The following ZNF329 variants were observed in gnomAD, a reference collection of about 807,000 sequenced individuals.
ZNF329 encodes the protein zinc finger protein 329.
ZNF329 carries 15 observed loss-of-function variants against 26.6 expected under a neutral mutation model. That is an observed-to-expected ratio of 0.56 (90% CI 0.38 to 0.87). The LOEUF is 0.87. Among genes scored for constraint, ZNF329 ranks in the 40% least tolerant of loss-of-function variants. The pLI is 0.00. For synonymous variants in ZNF329, 239 were observed against 233.5 expected (o/e 1.02, Z -0.21); for missense variants, 651 against 651.9 (o/e 1.00, Z 0.02).
rs969119574 is a variant in ZNF329 at position 58,143,119 on chromosome 19, A to G, written c.-128T>C. On this transcript the variant is annotated 5_prime_UTR_variant, in exon 2 of 4. It removes the in-frame stop codon of an upstream open reading frame in the 5' UTR. Coordinates refer to ENST00000598312, the MANE Select transcript of ZNF329 (RefSeq NM_024620.4). The stretch of plus-strand genomic sequence containing the variant: ...ATGGTGCATACCTGAAGTCCCAGCT[A>G]CTTGGTAGCCCAGGAGCTCAAGGCT... 6.6e-6 allele frequency: 1 copy of G among 152,312 alleles called. No individual in the cohort carries two copies. Among genetic ancestry groups the G allele is most frequent in the African/African-American group, 2.4e-5 (1 of 41,468 alleles). 9.4% of individuals were successfully genotyped at this position (152,312 alleles called of 1,614,324 possible).
rs2074812844 is a variant in ZNF329 at position 58,126,858 on chromosome 19, C to G, written c.*1020G>C. The G allele has an allele frequency of 6.6e-6, 1 of 152,172 alleles. No individual in the cohort carries two copies. Among genetic ancestry groups the G allele is most frequent in the African/African-American group, 2.4e-5 (1 of 41,448 alleles). 9.4% of individuals were successfully genotyped at this position (152,172 alleles called of 1,614,324 possible). ...TTGGTAGAGATGGGGTTTCACCATG[C>G]TGGCCAGGCTGGTCTTGAACTCCTA... On this transcript the variant is annotated 3_prime_UTR_variant, in exon 4 of 4. Coordinates refer to ENST00000598312, the MANE Select transcript of ZNF329 (RefSeq NM_024620.4).
At chr19:58,141,826 G>A (rs1390879242) in intron 3 of ZNF329, among the ~76,000 whole-genome samples, 1 of 151,934 alleles carries the variant, frequency 6.6e-6, no homozygotes, top group Non-Finnish European at 1.5e-5. Flanking sequence ...CCAAGAGGCG[G>A]AGGTTGCAGT....
rs930691645 is a variant in ZNF329, at chr19:58,144,826, C to T, written c.-207-1628G>A. On this transcript the variant is annotated intron_variant, in intron 1 of 3. Transcript: ENST00000598312. ...AGGAGCCATGACCATAGGAGTATGC[C>T]ATCACACCTGGATAATTTTTTTTCT... Among the ~76,000 whole-genome samples, 4 of 149,492 alleles carry T rather than the reference C, an allele frequency of 2.7e-5. No homozygotes were observed. In the Admixed American group the frequency reaches 2.7e-4, roughly 10 times the overall value.
chr19:58,153,498 G>A (rs1464995898), upstream of ZNF329, among the ~76,000 whole-genome samples: 1 of 152,154 alleles, frequency 6.6e-6, no homozygotes, highest in East Asian at 1.9e-4. Flanking sequence ...CAGACCATAA[G>A]GTCTCTGCCA....
chr19:58,136,544 G>T (rs2075070132), intron 3 of ZNF329, among the ~76,000 whole-genome samples: 4 of 151,896 alleles, frequency 2.6e-5, no homozygotes, highest in African/African-American at 9.7e-5. Context: ...GTGTGGTGGT[G>T]TAACTCGCCT....
chr19:58,139,841 C>T (rs1444534410), intron 3 of ZNF329, among the ~76,000 whole-genome samples: 1 of 152,164 alleles, frequency 6.6e-6, no homozygotes, highest in Non-Finnish European at 1.5e-5. Context: ...CCACTTTACA[C>T]TCACTAGTAT....
Position 58,128,930 on chromosome 19 carries a change from C to T in ZNF329, c.574G>A (p.Glu192Lys). The T allele has an allele frequency of 1.2e-6, 2 of 1,614,104 alleles. No homozygotes were observed. Among genetic ancestry groups the T allele is most frequent in the Non-Finnish European group, 8.5e-7 (1 of 1,180,032 alleles). ...NIFTLSSSLN[E>K]NQRNLPGEKQ... is the part of the protein sequence containing the mutation. ...TCTCCAGGGAGATTTCTCTGGTTTT[C>T]ATTAAGCGATGAGCTCAGAGTAAAG... is the stretch of plus-strand genomic sequence containing the variant. Residue 192 changes from glutamate to lysine, a missense_variant, in exon 4 of 4, where the codon GAA becomes AAA. Coordinates refer to ENST00000598312, the MANE Select transcript of ZNF329 (RefSeq NM_024620.4).
At chr19:58,130,715 T>C (rs1193281062) in intron 3 of ZNF329, among the ~76,000 whole-genome samples, 1 of 150,422 alleles carries the variant, frequency 6.6e-6, no homozygotes, top group Non-Finnish European at 1.5e-5. Flanking sequence ...TACAAAGCAG[T>C]CTCCAAGGCT....
Position 58,129,197 on chromosome 19 carries a change from A to C in ZNF329, c.307T>G (p.Cys103Gly). 1 of 1,614,230 alleles carries C rather than the reference A, an allele frequency of 6.2e-7. No homozygotes were observed. The highest frequency in any genetic ancestry group is 8.5e-7 in the Non-Finnish European group (1 of 1,180,048). Residue 103 changes from cysteine (C) to glycine (G), a missense_variant, in exon 4 of 4, where the codon TGT (cysteine) becomes GGT (glycine). Transcript: ENST00000598312. The part of the protein sequence containing the change: ...APDSNVSGLD[C>G]DPALPSYPKS... ...GGATAGCTGGGTAAGGCGGGGTCACAATCCAGACCACTAACATTTGAGTCA... is the reference window on the plus strand; with the variant it reads ...GGATAGCTGGGTAAGGCGGGGTCACCATCCAGACCACTAACATTTGAGTCA...
In ZNF329 at chr19:58,133,725, G is replaced by A. The variant is rs1311390394; in HGVS notation, c.-8-4214C>T. 2.6e-5 allele frequency among the ~76,000 whole-genome samples: 4 copies of A among 152,096 alleles called. No individual in the cohort carries two copies. The East Asian group carries it at 7.7e-4, about 29-fold the overall frequency. ...TGAATATGATGAATGTGGGCTAGGT[G>A]TGGTGACTCACACCTGTAATCCCAG... On this transcript the variant is annotated intron_variant, in intron 3 of 3. Transcript: ENST00000598312.
intron 1 of ZNF329, among the ~76,000 whole-genome samples, chr19:58,144,396 A>ATATATTTTTT (rs756544055): frequency 7.8e-6 from 1 of 127,660 alleles, no homozygotes; most frequent in Admixed American, 8.3e-5. Context: ...ATATATATAT[A>ATATATTTTTT]TTTTTTTTTT....
intron 3 of ZNF329, among the ~76,000 whole-genome samples, chr19:58,129,808 C>T (rs2074896825): frequency 6.6e-6 from 1 of 152,168 alleles, no homozygotes; most frequent in Non-Finnish European, 1.5e-5. Flanking sequence ...GGCCAAGCAT[C>T]CCTGCTCCCC....
intron 3 of ZNF329, among the ~76,000 whole-genome samples, chr19:58,130,055 C>T (rs184543818): frequency 6.6e-6 from 1 of 152,334 alleles, no homozygotes; most frequent in African/African-American, 2.4e-5. Flanking sequence ...CACAGTGGTT[C>T]ACTCCTGTAA....
intron 1 of ZNF329, among the ~76,000 whole-genome samples, chr19:58,146,663 G>A (rs1031918132): frequency 1.3e-4 from 20 of 151,014 alleles, no homozygotes; most frequent in African/African-American, 4.9e-4. Flanking sequence ...TGATTCTCCC[G>A]CCTCAGCCTG....
intron 1 of ZNF329, among the ~76,000 whole-genome samples, chr19:58,144,353 T>C (rs1053424895): frequency 4.0e-5 from 2 of 49,504 alleles, no homozygotes; most frequent in Non-Finnish European, 9.4e-5. Context: ...TTTACATCTA[T>C]ATCTATCTAT....
intron 1 of ZNF329, among the ~76,000 whole-genome samples, chr19:58,143,651 A>G (rs560985941): frequency 2.0e-5 from 3 of 152,334 alleles, no homozygotes; most frequent in East Asian, 1.9e-4. Flanking sequence ...GGCCTCACAC[A>G]TTAGCAAAAG....
rs538799779 is a variant in ZNF329, at chr19:58,143,181, G to A, written c.-190C>T. 1 of 151,740 alleles carries A rather than the reference G, an allele frequency of 6.6e-6. No homozygotes were observed. The highest frequency in any genetic ancestry group is 2.4e-5 in the African/African-American group (1 of 41,430). 9.4% of individuals were successfully genotyped at this position (151,740 alleles called of 1,614,324 possible). ...TGATCGTGCCACTGCACTCCAGCCT[G>A]GGTGAGACAGCAAGACCCTATCTCA... On this transcript the variant is annotated 5_prime_UTR_variant, in exon 2 of 4. Transcript: ENST00000598312.
intron 1 of ZNF329, among the ~76,000 whole-genome samples, chr19:58,146,519 C>T (rs1156894111): frequency 2.6e-5 from 2 of 76,964 alleles, no homozygotes; most frequent in African/African-American, 5.2e-5. Flanking sequence ...GGAAGGTAGT[C>T]CCTCTCCCTC....
chr19:58,142,451 A>G (rs2075209507), intron 3 of ZNF329, 106 bp downstream of exon 3: 1 of 152,676 alleles, frequency 6.5e-6, no homozygotes. Flanking sequence ...CCACTAGTCT[A>G]GACCCCATCT....
Sources: allele counts gnomAD v4.1 joint callset (sites outside exome capture counted in the v4.1 genomes callset), GRCh38; gene constraint gnomAD v4.1.1; transcripts MANE v1.5; gene names NCBI Gene and HGNC (gene_info 2026-07-23, HGNC 2026-07-21).